Variants in ADCY7 observed in about 807,000 individuals in gnomAD.
The protein encoded by ADCY7 is adenylate cyclase 7.
ADCY7 carries 72 observed loss-of-function variants against 120.6 expected under a neutral mutation model. The observed-to-expected ratio is 0.60, with a 90% CI of 0.49 to 0.73. The LOEUF is 0.73. ADCY7 is among the 30% of genes least tolerant of loss of function. The pLI is 0.00. For synonymous variants in ADCY7, 661 were observed against 628.0 expected, an observed-to-expected ratio of 1.05 and a Z score of -0.78; for missense variants, 1,227 against 1,486.0, an observed-to-expected ratio of 0.83 and a Z score of 2.87.
intron 19 of ADCY7, 130 bp downstream of exon 19, chr16:50,311,010 TC>T: frequency 1.0e-6 from 1 of 962,650 alleles, no homozygotes; most frequent in Non-Finnish European, 1.5e-6. Context: ...GCAGATGGTG[TC>T]CAGCGCTCAG....
Position 50,310,701 on chromosome 16 carries a change from C to T in ADCY7, c.2175C>T (p.Ser725=). 1.2e-6 allele frequency: 2 copies of T among 1,613,942 alleles called. No individual in the cohort carries two copies. Among genetic ancestry groups the T allele is most frequent in the Non-Finnish European group, 1.7e-6 (2 of 1,179,932 alleles). ...LCEPLPYYTC[S]CVLGFIACSV... ...TGCCCCCTCAGTACTACACCTGCAG[C>T]TGTGTCCTGGGCTTCATCGCCTGCT... is the stretch of plus-strand genomic sequence containing the variant. The change falls in exon 19 of 26, where the codon AGC becomes AGT. Residue 725 remains serine (S), a synonymous_variant. Transcript: ENST00000673801.
chr16:50,291,603 GC>G (rs1373974675), intron 3 of ADCY7, 132 bp from the exon 4 acceptor site: 5 of 938,140 alleles, frequency 5.3e-6, no homozygotes, highest in African/African-American at 1.6e-5. Flanking sequence ...TTGTATGTCT[GC>G]CCACGCAGGG....
rs2036314010 is a variant in ADCY7, at chr16:50,309,615, G to A, written c.2129G>A (p.Ser710Asn). 1.2e-6 allele frequency: 2 copies of A among 1,612,356 alleles called. No homozygotes were observed. Among genetic ancestry groups the A allele is most frequent in the Middle Eastern group, 1.6e-4 (1 of 6,084 alleles). The change falls in exon 18 of 26, where the codon AGC becomes AAC. Residue 710 changes from serine (S) to asparagine (N), a missense_variant. By Grantham distance (46) the Ser-to-Asn change is conservative (BLOSUM62 1). Coordinates refer to ENST00000673801, the MANE Select transcript of ADCY7 (RefSeq NM_001114.5). ...GNETGLLAAS[S>N]KTRALCEPLP... The stretch of plus-strand genomic sequence containing the variant: ...GAGACAGGCCTACTGGCCGCGAGCA[G>A]CAAGACAAGAGCCCTGTGTGAGCCC...
intron 1 of ADCY7, among the ~76,000 whole-genome samples, chr16:50,277,828 G>A (rs560399612): frequency 1.3e-5 from 2 of 151,852 alleles, no homozygotes; most frequent in East Asian, 1.9e-4. Flanking sequence ...CCGCCACCAC[G>A]CCCAGCTAAT....
upstream of ADCY7, among the ~76,000 whole-genome samples, chr16:50,266,026 C>T (rs1464254723): frequency 6.6e-6 from 1 of 152,184 alleles, no homozygotes; most frequent in Non-Finnish European, 1.5e-5. Flanking sequence ...TGGGCCTGCC[C>T]CTGCCCTGCT....
At chr16:50,290,752 C>T (rs540061632) in intron 3 of ADCY7, 92 bp downstream of exon 3, 17 of 1,389,592 alleles carry the variant, frequency 1.2e-5, no homozygotes, top group East Asian at 9.6e-5. Context: ...TCGTGCCCCA[C>T]GCTTGGCTGT....
chr16:50,271,107 C>G (rs1401399544), intron 1 of ADCY7, among the ~76,000 whole-genome samples: 2 of 152,210 alleles, frequency 1.3e-5, no homozygotes, highest in African/African-American at 4.8e-5. Context: ...CCCCTGGAAG[C>G]CTGGAAGCCT....
At chr16:50,245,647 C>A (rs2032557095), upstream of ADCY7, among the ~76,000 whole-genome samples, 1 of 152,062 alleles carries the variant, frequency 6.6e-6, no homozygotes, top group Admixed American at 6.5e-5. Flanking sequence ...GAGGTTAAGG[C>A]CTGAGTGAGA....
In ADCY7 at chr16:50,309,678, A is replaced by G. The variant is rs200741341; in HGVS notation, c.2160+32A>G. The G allele has an allele frequency of 1.5e-5, 24 of 1,584,020 alleles. No individual in the cohort carries two copies. In the Admixed American group the frequency reaches 3.4e-4, roughly 22 times the overall value. On this transcript the variant is annotated intron_variant, in intron 18 of 25. Transcript: ENST00000673801. ...GCGCCGGGCCCGGCTCCGTGGCCTC[A>G]TTCAGAGTGGGGCTGCTGCTGCCAG...
chr16:50,266,192 G>A (rs2033203381), upstream of ADCY7, among the ~76,000 whole-genome samples: 1 of 152,212 alleles, frequency 6.6e-6, no homozygotes, highest in African/African-American at 2.4e-5. Context: ...GTCTGTGAGC[G>A]TCAGAGCCCA....
Position 50,311,803 on chromosome 16 carries a change from C to CCG in ADCY7, c.2448+18_2448+19insGC. ...TCCAGACAGGTAAGGAGGCTGGCCC[C>CCG]CCCCCCCCCCCCAAGCTCTGCCCAC... On this transcript the variant is annotated intron_variant, in intron 20 of 25. Coordinates refer to ENST00000673801, the MANE Select transcript of ADCY7 (RefSeq NM_001114.5). The CCG allele has an allele frequency of 1.2e-6, 1 of 816,908 alleles. No homozygotes were observed. Among genetic ancestry groups the CCG allele is most frequent in the African/African-American group, 1.8e-5 (1 of 54,462 alleles). The allele number at this position is 816,908 out of a possible 1,614,324, so 50.6% of individuals were successfully genotyped here.
Position 50,291,797 on chromosome 16 carries a change from G to T in ADCY7, c.437G>T (p.Gly146Val), listed in dbSNP as rs542866088. The change falls in exon 4 of 26, where the codon GGC (glycine) becomes GTC (valine). Residue 146 changes from glycine to valine, a missense_variant. By Grantham distance (109) the Gly-to-Val change is moderately radical. Transcript: ENST00000673801. ...ACACTACTGCCCTTCAGCATGCGGG[G>T]CGCTGTCGCCGTTGGGGCCGTCTCC... is the stretch of plus-strand genomic sequence containing the variant. ...VYTLLPFSMRGAVAVGAVSTA... is the reference protein window; with the variant it reads ...VYTLLPFSMRVAVAVGAVSTA... 6.2e-7 allele frequency: 1 copy of T among 1,614,024 alleles called. No individual in the cohort carries two copies. Among genetic ancestry groups the T allele is most frequent in the Admixed American group, 1.7e-5 (1 of 60,000 alleles).
intron 25 of ADCY7, 57 bp downstream of exon 25, chr16:50,315,195 A>G: frequency 1.2e-6 from 2 of 1,601,816 alleles, no homozygotes; most frequent in South Asian, 1.1e-5. Context: ...CCCAGAGGTG[A>G]GGGGACTTGG....
intron 1 of ADCY7, among the ~76,000 whole-genome samples, chr16:50,267,048 T>C (rs1185088879): frequency 6.6e-6 from 1 of 152,184 alleles, no homozygotes; most frequent in East Asian, 1.9e-4. Flanking sequence ...CACACATGAC[T>C]TTTCTCAATG....
chr16:50,262,892 G>A (rs1369248690), upstream of ADCY7, among the ~76,000 whole-genome samples: 1 of 152,214 alleles, frequency 6.6e-6, no homozygotes, highest in African/African-American at 2.4e-5. Context: ...GAAAGAAAGC[G>A]GGTGTTTGTT....
At chr16:50,302,320 G>A (rs1347341582) in intron 10 of ADCY7, among the ~76,000 whole-genome samples, 3 of 151,802 alleles carry the variant, frequency 2.0e-5, no homozygotes, top group African/African-American at 7.3e-5. Context: ...CCCCCACCCC[G>A]TGCTGAGATG....
chr16:50,265,550 C>T (rs1338592318), upstream of ADCY7, among the ~76,000 whole-genome samples: 3 of 152,198 alleles, frequency 2.0e-5, no homozygotes, highest in African/African-American at 7.2e-5. Flanking sequence ...GTTGATATTA[C>T]AGCTGCCCTC....
chr16:50,283,485 G>A (rs2034401858), intron 1 of ADCY7, among the ~76,000 whole-genome samples: 1 of 152,230 alleles, frequency 6.6e-6, no homozygotes, highest in Non-Finnish European at 1.5e-5. Context: ...CAGGCCTGTG[G>A]CATTAGGGCT....
intron 1 of ADCY7, among the ~76,000 whole-genome samples, chr16:50,246,723 A>G (rs1325423128): frequency 6.6e-6 from 1 of 152,092 alleles, no homozygotes; most frequent in Non-Finnish European, 1.5e-5. Flanking sequence ...GGTCCAGGGG[A>G]GAGTGAGCCA....
Sources: gnomAD v4.1 joint callset for allele counts (sites outside exome capture counted in the v4.1 genomes callset) on GRCh38, gnomAD v4.1.1 for gene constraint, MANE v1.5 for transcripts, NCBI Gene and HGNC (gene_info 2026-07-23, HGNC 2026-07-21) for gene names.